The following ZNF599 variants were observed in gnomAD, a reference collection of about 807,000 sequenced individuals.
ZNF599 encodes zinc finger protein 599.
Under a neutral mutation model 11.7 loss-of-function variants are expected in ZNF599, and 10 were observed. That is an observed-to-expected ratio of 0.86 (90% CI 0.53 to 1.45). The LOEUF (loss-of-function observed/expected upper bound fraction) is 1.45, where lower values mean the gene tolerates loss of function less well. Among genes scored for constraint, ZNF599 ranks in the 40% most tolerant of loss-of-function variants. ZNF599 has a pLI of 0.00. For missense variants in ZNF599, 688 were observed against 713.6 expected (o/e 0.96, Z 0.41); for synonymous variants, 232 against 253.2 (o/e 0.92, Z 0.79).
At chr19:34,760,643 A>G in intron 3 of ZNF599, 84 bp from the exon 4 acceptor site, 1 of 1,243,218 alleles carries the variant, frequency 8.0e-7, no homozygotes, top group Non-Finnish European at 1.1e-6. Flanking sequence ...AGAAGAATGA[A>G]GGTGAAAACA....
chr19:34,784,103 T>C, the ZNF599 span, among the ~76,000 whole-genome samples: 1 of 152,206 alleles, frequency 6.6e-6, no homozygotes, highest in East Asian at 1.9e-4. Context: ...AAGTCTGAAA[T>C]GAAGACGTTG....
chr19:34,758,302 C>A lies in ZNF599; in HGVS notation c.*732G>T, dbSNP rs1036922457. 1 of 152,186 alleles carries A rather than the reference C, an allele frequency of 6.6e-6. No homozygotes were observed. Among genetic ancestry groups the A allele is most frequent in the Admixed American group, 6.5e-5 (1 of 15,276 alleles). 9.4% of individuals were successfully genotyped at this position (152,186 alleles called of 1,614,324 possible). A position where few individuals can be genotyped will look rare whatever the true frequency, so the allele number is the denominator to read the frequency against. The stretch of plus-strand genomic sequence containing the variant: ...AGTGTGCACAGAAAATTCACAGAAC[C>A]TAACTACCACGAGTAACAATTCACT... On this transcript the variant is annotated 3_prime_UTR_variant, in exon 4 of 4. Transcript: ENST00000329285.
At chr19:34,774,272 A>G (rs1417254724), upstream of ZNF599, among the ~76,000 whole-genome samples, 1 of 152,174 alleles carries the variant, frequency 6.6e-6, no homozygotes, top group East Asian at 1.9e-4. Context: ...CACAGCAACC[A>G]GGATCTGACC....
the ZNF599 span, chr19:34,780,019 C>T: frequency 4.5e-5 from 7 of 153,878 alleles, no homozygotes; most frequent in Middle Eastern, 3.3e-3. Context: ...GCTCTTCTGA[C>T]GTGTGGTTGC....
the ZNF599 span, among the ~76,000 whole-genome samples, chr19:34,807,566 T>C: frequency 6.6e-6 from 1 of 152,182 alleles, no homozygotes; most frequent in East Asian, 1.9e-4. Flanking sequence ...GTAAAACAGC[T>C]GCAAGGCAGC....
chr19:34,800,731 G>T, the ZNF599 span, among the ~76,000 whole-genome samples: 1 of 151,874 alleles, frequency 6.6e-6, no homozygotes, highest in Admixed American at 6.6e-5. Flanking sequence ...GAGTAGCTGG[G>T]ATTACAGGCG....
chr19:34,803,518 C>A, the ZNF599 span, among the ~76,000 whole-genome samples: 1 of 152,140 alleles, frequency 6.6e-6, no homozygotes, highest in Admixed American at 6.5e-5. Context: ...CCATGAAGAG[C>A]CTCTCTTGAG....
At chr19:34,775,894 T>G (rs2069215449), upstream of ZNF599, among the ~76,000 whole-genome samples, 1 of 152,180 alleles carries the variant, frequency 6.6e-6, no homozygotes, top group African/African-American at 2.4e-5. Context: ...ATAGGAAAAT[T>G]TCTTTAAAAA....
chr19:34,763,374 AG>A (rs933192910), intron 3 of ZNF599: 8 of 152,244 alleles, frequency 5.3e-5, no homozygotes, highest in African/African-American at 1.9e-4. Context: ...TGAAAGTCAG[AG>A]GGGGGCCAGG....
At chr19:34,777,357 TATTAATATATTATATATTATATATTA>T (rs1193763717), upstream of ZNF599, among the ~76,000 whole-genome samples, 5 of 92,966 alleles carry the variant, frequency 5.4e-5, no homozygotes, top group Non-Finnish European at 9.7e-5. Flanking sequence ...ATATATTATA[TATTAATATATTATATATTATATATTA>T]ATTAATATAT....
chr19:34,772,970 A>G lies in ZNF599; in HGVS notation c.-129T>C. The G allele has an allele frequency of 1.7e-6, 2 of 1,178,204 alleles. No individual in the cohort carries two copies. Among genetic ancestry groups the G allele is most frequent in the Non-Finnish European group, 2.3e-6 (2 of 886,720 alleles). 73.0% of individuals were successfully genotyped at this position (1,178,204 alleles called of 1,614,324 possible). A position where few individuals can be genotyped will look rare whatever the true frequency, so the allele number is the denominator to read the frequency against. ...CCCGCCGTCGTGTAAAATGCACACA[A>G]GGTTCGCGGCGCCGCCTCTGCGCGC... On this transcript the variant is annotated 5_prime_UTR_variant, in exon 1 of 4. Coordinates refer to ENST00000329285, the MANE Select transcript of ZNF599 (RefSeq NM_001007248.3).
At chr19:34,796,474 C>G in the ZNF599 span, among the ~76,000 whole-genome samples, 1 of 151,872 alleles carries the variant, frequency 6.6e-6, no homozygotes, top group Non-Finnish European at 1.5e-5. Flanking sequence ...CCATGCCTGG[C>G]TAATTTTTAT....
chr19:34,781,679 G>T, the ZNF599 span, among the ~76,000 whole-genome samples: 1 of 152,230 alleles, frequency 6.6e-6, no homozygotes, highest in Non-Finnish European at 1.5e-5. Flanking sequence ...AGAAATGATA[G>T]AGGCAGGGTC....
In ZNF599 at chr19:34,759,113, A is replaced by G; in HGVS notation, c.1688T>C (p.Phe563Ser). The G allele has an allele frequency of 6.2e-7, 1 of 1,614,166 alleles. No individual in the cohort carries two copies. Among genetic ancestry groups the G allele is most frequent in the Non-Finnish European group, 8.5e-7 (1 of 1,180,008 alleles). ...HMRTHTGEKP[F>S]ECNECGKTFS... is the part of the protein sequence containing the mutation. ...GGTCTTTCCACATTCATTGCATTCA[A>G]AGGGTTTCTCTCCAGTGTGAGTTCT... The change falls in exon 4 of 4, where the codon TTT becomes TCT. Residue 563 changes from phenylalanine (F) to serine (S), a missense_variant. Physicochemically the swap from Phe to Ser is radical, Grantham distance 155 (BLOSUM62 -2). Transcript: ENST00000329285.
intron 3 of ZNF599, among the ~76,000 whole-genome samples, chr19:34,761,756 T>C (rs1357593071): frequency 1.3e-5 from 2 of 152,122 alleles, no homozygotes; most frequent in Non-Finnish European, 2.9e-5. Context: ...TATTCCTACC[T>C]CATACCACAT....
the ZNF599 span, among the ~76,000 whole-genome samples, chr19:34,789,575 A>G: frequency 6.6e-6 from 1 of 151,954 alleles, no homozygotes; most frequent in African/African-American, 2.4e-5. Flanking sequence ...TCTCATTGTA[A>G]TTTTTATCTG....
At chr19:34,767,181 CG>C in intron 3 of ZNF599, 134 bp downstream of exon 3, 1 of 632,936 alleles carries the variant, frequency 1.6e-6, no homozygotes. Flanking sequence ...AGTGGGAAGA[CG>C]GGGGACCATG....
chr19:34,779,507 T>C, the ZNF599 span: 7 of 456,686 alleles, frequency 1.5e-5, no homozygotes, highest in Non-Finnish European at 2.6e-5. Flanking sequence ...TTTGCTGTAC[T>C]CATAAGGTTT....
Position 34,758,780 on chromosome 19 carries a change from G to C in ZNF599, c.*254C>G, listed in dbSNP as rs962153426. 5 of 363,042 alleles carry C rather than the reference G, an allele frequency of 1.4e-5. No homozygotes were observed. The East Asian group carries it at 2.1e-4, about 15-fold the overall frequency. 22.5% of individuals were successfully genotyped at this position (363,042 alleles called of 1,614,324 possible). Reference sequence around the variant, plus strand: ...TGTTAACCACCAGGTCTCTCCCCTCGATTATTCTCAGGTACAGTGTAAGGC... The same window carrying C: ...TGTTAACCACCAGGTCTCTCCCCTCCATTATTCTCAGGTACAGTGTAAGGC... On this transcript the variant is annotated 3_prime_UTR_variant, in exon 4 of 4. Coordinates refer to ENST00000329285, the MANE Select transcript of ZNF599 (RefSeq NM_001007248.3).
Sources: allele counts gnomAD v4.1 joint callset (sites outside exome capture counted in the v4.1 genomes callset), GRCh38; gene constraint gnomAD v4.1.1; transcripts MANE v1.5; gene names NCBI Gene and HGNC (gene_info 2026-07-23, HGNC 2026-07-21).